Variants in CAMKMT observed in about 807,000 individuals in gnomAD.
CAMKMT encodes CaM KMT.
A neutral mutation model predicts 48.0 loss-of-function variants in CAMKMT; 53 were observed. The observed-to-expected ratio is 1.10, with a 90% CI of 0.89 to 1.39. The LOEUF (loss-of-function observed/expected upper bound fraction) is 1.39. Among genes scored for constraint, CAMKMT ranks in the 40% most tolerant of loss-of-function variants. CAMKMT has a pLI of 0.00. For synonymous variants in CAMKMT, 165 were observed against 152.3 expected (o/e 1.08, Z -0.61); for missense variants, 428 against 402.7 (o/e 1.06, Z -0.54).
At chr2:44,428,026 G>A (rs1029788993) in intron 3 of CAMKMT, among the ~76,000 whole-genome samples, 10 of 152,126 alleles carry the variant, frequency 6.6e-5, no homozygotes, top group Non-Finnish European at 1.3e-4. Context: ...AGCCCCTAAG[G>A]GTGTGTGTTA....
intron 3 of CAMKMT, among the ~76,000 whole-genome samples, chr2:44,523,770 ATTTTTT>A (rs70937920): frequency 2.7e-4 from 24 of 89,866 alleles, no homozygotes; most frequent in African/African-American, 5.6e-4. Flanking sequence ...GAGAGCGAGC[ATTTTTT>A]TTTTTTTTTT....
In CAMKMT at chr2:44,448,098, A is replaced by G. The variant is rs1326997914; in HGVS notation, c.376+57793A>G. On this transcript the variant is annotated intron_variant, in intron 3 of 10. Transcript: ENST00000378494. ...ATCCAGTTTGTTGCATCTGGTGAAT[A>G]TAGTTGTCCCTTGGTACATGTGGGG... 2.0e-5 allele frequency among the ~76,000 whole-genome samples: 3 copies of G among 152,196 alleles called. No individual in the cohort carries two copies. In the East Asian group the frequency reaches 5.8e-4, roughly 29 times the overall value.
At chr2:44,513,991 A>C (rs779558459) in intron 3 of CAMKMT, among the ~76,000 whole-genome samples, 1 of 151,416 alleles carries the variant, frequency 6.6e-6, no homozygotes, top group Non-Finnish European at 1.5e-5. Flanking sequence ...AGTTTCAGCT[A>C]TTTGGGAGTC....
In CAMKMT at chr2:44,691,877, C is replaced by T. The variant is rs187864392; in HGVS notation, c.377-12406C>T. On this transcript the variant is annotated intron_variant, in intron 3 of 10. Coordinates refer to ENST00000378494, the MANE Select transcript of CAMKMT (RefSeq NM_024766.5). Reference sequence around the variant, plus strand: ...TGTCACAGGGCAGGCCTCCACCTGCCCACCTGCCCACCATTCTGGAATATT... The same window carrying T: ...TGTCACAGGGCAGGCCTCCACCTGCTCACCTGCCCACCATTCTGGAATATT... Among the ~76,000 whole-genome samples the T allele has an allele frequency of 5.3e-4, 81 of 152,140 alleles. 1 individual carries two copies. The highest frequency in any genetic ancestry group is 5.1e-4 in the Non-Finnish European group (35 of 68,008).
intron 3 of CAMKMT, among the ~76,000 whole-genome samples, chr2:44,701,778 T>G (rs1032093081): frequency 6.6e-6 from 1 of 152,196 alleles, no homozygotes; most frequent in Non-Finnish European, 1.5e-5. Context: ...TAAATAATGA[T>G]GCAGGTAAAG....
At chr2:44,528,527 A>T (rs1397389012) in intron 3 of CAMKMT, among the ~76,000 whole-genome samples, 2 of 152,220 alleles carry the variant, frequency 1.3e-5, no homozygotes, top group Admixed American at 6.5e-5. Context: ...GAAAAAAATT[A>T]TCACAACCAT....
intron 3 of CAMKMT, among the ~76,000 whole-genome samples, chr2:44,679,765 A>AACATGC (rs1675914784): frequency 6.6e-6 from 1 of 152,242 alleles, no homozygotes. Flanking sequence ...TATTATCAGC[A>AACATGC]ACATGCACAG....
chr2:44,740,702 T>C (rs1469206239), intron 7 of CAMKMT, among the ~76,000 whole-genome samples: 2 of 152,134 alleles, frequency 1.3e-5, no homozygotes, highest in African/African-American at 4.8e-5. Flanking sequence ...GGTGCAGTCA[T>C]GGACCAGGCA....
chr2:44,372,297 A>G (rs953343796), intron 1 of CAMKMT, among the ~76,000 whole-genome samples: 5 of 152,056 alleles, frequency 3.3e-5, no homozygotes, highest in African/African-American at 1.2e-4. Flanking sequence ...CAGCCTGGGT[A>G]ATATAGGGAG....
chr2:44,417,370 G>A (rs1440823661), intron 3 of CAMKMT, among the ~76,000 whole-genome samples: 5 of 152,074 alleles, frequency 3.3e-5, no homozygotes, highest in Non-Finnish European at 7.4e-5. Context: ...ACTCCAGCCT[G>A]GGTGAAAGAG....
chr2:44,655,172 G>T (rs1224144465), intron 3 of CAMKMT, among the ~76,000 whole-genome samples: 1 of 152,112 alleles, frequency 6.6e-6, no homozygotes, highest in African/African-American at 2.4e-5. Flanking sequence ...TGAAATGCTG[G>T]CTTTTAGAGA....
intron 3 of CAMKMT, among the ~76,000 whole-genome samples, chr2:44,433,387 G>T (rs1684763509): frequency 6.6e-6 from 1 of 152,030 alleles, no homozygotes; most frequent in Admixed American, 6.6e-5. Context: ...GAGTTTGTAA[G>T]CTTTAAGTGT....
chr2:44,567,241 C>A (rs1368550017), intron 3 of CAMKMT, among the ~76,000 whole-genome samples: 1 of 152,096 alleles, frequency 6.6e-6, no homozygotes, highest in African/African-American at 2.4e-5. Flanking sequence ...CTCAGATTGT[C>A]CTAATTAACA....
At chr2:44,737,155 A>T (rs1341220031) in intron 7 of CAMKMT, among the ~76,000 whole-genome samples, 1 of 152,190 alleles carries the variant, frequency 6.6e-6, no homozygotes, top group Non-Finnish European at 1.5e-5. Context: ...TCACTCAGTC[A>T]TGCAGGCTGG....
intron 1 of CAMKMT, among the ~76,000 whole-genome samples, chr2:44,365,856 C>A (rs1678537692): frequency 1.3e-5 from 2 of 152,184 alleles, no homozygotes; most frequent in Non-Finnish European, 2.9e-5. Flanking sequence ...GGTATGAATA[C>A]TTGGCTGAAG....
At chr2:44,474,651 G>C (rs902357410) in intron 3 of CAMKMT, among the ~76,000 whole-genome samples, 1 of 152,106 alleles carries the variant, frequency 6.6e-6, no homozygotes, top group African/African-American at 2.4e-5. Flanking sequence ...CTAAGGCAGT[G>C]ACTGCTTCCT....
intron 3 of CAMKMT, among the ~76,000 whole-genome samples, chr2:44,700,373 A>G (rs1677193869): frequency 6.6e-6 from 1 of 152,100 alleles, no homozygotes; most frequent in African/African-American, 2.4e-5. Flanking sequence ...TACATTCACA[A>G]CTTGTCTGTT....
Position 44,677,851 on chromosome 2 carries a change from G to A in CAMKMT, c.377-26432G>A, listed in dbSNP as rs577476703. On this transcript the variant is annotated intron_variant, in intron 3 of 10. Coordinates refer to ENST00000378494, the MANE Select transcript of CAMKMT (RefSeq NM_024766.5). ...TGGGGTGTGTGTGTGTGTGTAAAAT[G>A]TCTGGCATAAAACACAAGTGTGTGT... Among the ~76,000 whole-genome samples the A allele has an allele frequency of 3.9e-5, 6 of 152,184 alleles. 1 individual carries two copies. In the South Asian group the frequency reaches 1.2e-3, roughly 32 times the overall value.
chr2:44,495,282 A>G (rs1669701837), intron 3 of CAMKMT, among the ~76,000 whole-genome samples: 2 of 152,230 alleles, frequency 1.3e-5, no homozygotes, highest in South Asian at 4.1e-4. Context: ...CCTGGACTAC[A>G]GGTGCATGCC....
Sources: gnomAD v4.1 joint callset for allele counts (sites outside exome capture counted in the v4.1 genomes callset) on GRCh38, gnomAD v4.1.1 for gene constraint, MANE v1.5 for transcripts, NCBI Gene and HGNC (gene_info 2026-07-23, HGNC 2026-07-21) for gene names.